BNC2: variants seen among roughly 807,000 people sequenced by gnomAD.
BNC2 encodes the protein zinc finger protein basonuclin-2.
In BNC2, 20 loss-of-function variants were observed where a neutral mutation model predicts 76.3. The ratio of observed to expected loss-of-function variants is 0.26; its 90% CI spans 0.18 to 0.38. The LOEUF (loss-of-function observed/expected upper bound fraction) is 0.38, where lower values mean the gene tolerates loss of function less well. BNC2 is among the 10% of genes least tolerant of loss of function. The pLI is 1.00. For synonymous variants in BNC2, 582 were observed against 514.8 expected (o/e 1.13, Z -1.77); for missense variants, 1,382 against 1,399.8 (o/e 0.99, Z 0.20).
intron 4 of BNC2, among the ~76,000 whole-genome samples, chr9:16,561,508 C>T (rs1200162249): frequency 6.6e-6 from 1 of 152,158 alleles, no homozygotes; most frequent in Non-Finnish European, 1.5e-5. Context: ...CCAGATCTTG[C>T]AGTTCCATAT....
Position 16,449,675 on chromosome 9 carries a change from T to A in BNC2, c.670-12151A>T, listed in dbSNP as rs7046026. Among the ~76,000 whole-genome samples the A allele has an allele frequency of 2.6e-3, 402 of 152,108 alleles. 4 individuals are homozygous for A. Among genetic ancestry groups the A allele is most frequent in the African/African-American group, 9.3e-3 (385 of 41,526 alleles). On this transcript the variant is annotated intron_variant, in intron 5 of 6. Coordinates refer to ENST00000380672, the MANE Select transcript of BNC2 (RefSeq NM_017637.6). ...TTCTGAAATAAAAATAAAAAGGCTTTGGCACAGAGCTTAAATTTTAGCGGA... is the reference window on the plus strand; with the variant it reads ...TTCTGAAATAAAAATAAAAAGGCTTAGGCACAGAGCTTAAATTTTAGCGGA...
chr9:16,585,459 T>C (rs537473186), intron 3 of BNC2, among the ~76,000 whole-genome samples: 1 of 152,194 alleles, frequency 6.6e-6, no homozygotes, highest in Non-Finnish European at 1.5e-5. Context: ...ATTTTGTATA[T>C]CTATGAATTC....
chr9:16,440,330 T>C (rs1449949033), intron 5 of BNC2, among the ~76,000 whole-genome samples: 2 of 152,144 alleles, frequency 1.3e-5, no homozygotes, highest in Non-Finnish European at 2.9e-5. Flanking sequence ...GAGTCTGTGG[T>C]AGTAAAGAGC....
intron 3 of BNC2, among the ~76,000 whole-genome samples, chr9:16,701,460 C>T (rs901116982): frequency 1.3e-5 from 2 of 152,134 alleles, no homozygotes; most frequent in African/African-American, 2.4e-5. Flanking sequence ...ACTAGCATCC[C>T]TAGCACACTA....
intron 5 of BNC2, among the ~76,000 whole-genome samples, chr9:16,542,217 A>G (rs1818344005): frequency 6.6e-6 from 1 of 152,166 alleles, no homozygotes; most frequent in Non-Finnish European, 1.5e-5. Flanking sequence ...CTGGGGGCTA[A>G]TGTAAGAAAT....
At chr9:16,639,727 G>A (rs927752958) in intron 3 of BNC2, among the ~76,000 whole-genome samples, 2 of 152,088 alleles carry the variant, frequency 1.3e-5, no homozygotes, top group African/African-American at 2.4e-5. Flanking sequence ...GACCAGCCTC[G>A]GCAACACAGC....
chr9:16,795,578 G>A (rs755821249), intron 1 of BNC2, among the ~76,000 whole-genome samples: 9 of 152,106 alleles, frequency 5.9e-5, no homozygotes, highest in African/African-American at 4.8e-5. Flanking sequence ...CCAGCGAGAG[G>A]AGGATGGTGA....
chr9:16,602,371 C>T (rs1240075394), intron 3 of BNC2, among the ~76,000 whole-genome samples: 3 of 152,052 alleles, frequency 2.0e-5, no homozygotes, highest in Admixed American at 1.3e-4. Flanking sequence ...ATTTGGAAGT[C>T]CCAACATTAG....
intron 5 of BNC2, among the ~76,000 whole-genome samples, chr9:16,480,643 A>G (rs1822030579): frequency 6.6e-6 from 1 of 152,178 alleles, no homozygotes; most frequent in Admixed American, 6.5e-5. Flanking sequence ...TGAGGGGTTT[A>G]GCACCCGGGC....
chr9:16,791,197 G>A (rs1051588858), intron 1 of BNC2, among the ~76,000 whole-genome samples: 29 of 152,004 alleles, frequency 1.9e-4, no homozygotes, highest in Non-Finnish European at 3.4e-4. Flanking sequence ...GAGTAGCTGG[G>A]ACTACAGGCA....
At chr9:16,710,599 A>G (rs1466303631) in intron 3 of BNC2, among the ~76,000 whole-genome samples, 1 of 152,148 alleles carries the variant, frequency 6.6e-6, no homozygotes, top group African/African-American at 2.4e-5. Context: ...TATGCTTTTC[A>G]AGGGTCTCTA....
intron 1 of BNC2, among the ~76,000 whole-genome samples, chr9:16,811,264 T>C (rs1265465022): frequency 9.0e-6 from 1 of 111,062 alleles, no homozygotes; most frequent in African/African-American, 3.2e-5. Flanking sequence ...CCACAGTGTA[T>C]AGGGGGCCAG....
chr9:16,775,743 C>A (rs141357178), intron 1 of BNC2: 204 of 209,794 alleles, frequency 9.7e-4, no homozygotes, highest in African/African-American at 4.6e-3. Flanking sequence ...TTTTCCAAGT[C>A]CAAATTGATC....
chr9:16,469,656 C>A (rs1364459666), intron 5 of BNC2, among the ~76,000 whole-genome samples: 1 of 152,164 alleles, frequency 6.6e-6, no homozygotes, highest in Non-Finnish European at 1.5e-5. Context: ...AACTGGGTAA[C>A]AGGCAGAGGC....
intron 1 of BNC2, among the ~76,000 whole-genome samples, chr9:16,780,254 A>AAC (rs1826110025): frequency 7.4e-6 from 1 of 134,686 alleles, no homozygotes; most frequent in Non-Finnish European, 1.5e-5. Flanking sequence ...AAAAAAAAAA[A>AAC]AACAAAAAAA....
At chr9:16,684,249 A>G (rs1038440391) in intron 3 of BNC2, among the ~76,000 whole-genome samples, 1 of 152,194 alleles carries the variant, frequency 6.6e-6, no homozygotes, top group African/African-American at 2.4e-5. Context: ...AAGGTCAAGG[A>G]TCAGACTACT....
chr9:16,721,497 A>G (rs975877208), intron 3 of BNC2, among the ~76,000 whole-genome samples: 1 of 152,242 alleles, frequency 6.6e-6, no homozygotes, highest in African/African-American at 2.4e-5. Flanking sequence ...AGTGAGATCC[A>G]TCACTTCCTA....
intron 5 of BNC2, among the ~76,000 whole-genome samples, chr9:16,487,262 TGGGGGTGGA>T (rs751728338): frequency 7.2e-5 from 11 of 152,030 alleles, no homozygotes; most frequent in Admixed American, 2.0e-4. Flanking sequence ...GTCTGTCGGC[TGGGGGTGGA>T]GGGGGCGGGC....
At chr9:16,656,737 T>C (rs1821941725) in intron 3 of BNC2, among the ~76,000 whole-genome samples, 2 of 152,150 alleles carry the variant, frequency 1.3e-5, no homozygotes, top group African/African-American at 4.8e-5. Context: ...ATGCACAATA[T>C]CATATTGTTA....
Sources: allele counts gnomAD v4.1 joint callset (sites outside exome capture counted in the v4.1 genomes callset), GRCh38; gene constraint gnomAD v4.1.1; transcripts MANE v1.5; gene names NCBI Gene and HGNC (gene_info 2026-07-23, HGNC 2026-07-21).